The following ATP11A variants were observed in gnomAD, a reference collection of about 807,000 sequenced individuals.
ATP11A encodes the protein ATPase phospholipid transporting 11A.
A neutral mutation model predicts 154.4 loss-of-function variants in ATP11A; 81 were observed. The ratio of observed to expected loss-of-function variants is 0.52; its 90% CI spans 0.44 to 0.63. ATP11A has a LOEUF of 0.63. Ranked by LOEUF, ATP11A falls within the 30% of genes least tolerant of loss-of-function variation. The pLI is 0.00. For missense variants in ATP11A, 1,316 were observed against 1,474.3 expected (o/e 0.89, Z 1.76); for synonymous variants, 623 against 585.9 (o/e 1.06, Z -0.91).
At position 112,690,750 on chromosome 13, in the gene ATP11A, C is replaced by T. The variant is rs1054391469; in HGVS notation, c.39+295C>T. Among the ~76,000 whole-genome samples, 1 of 152,074 alleles carries T rather than the reference C, an allele frequency of 6.6e-6. No homozygotes were observed. The highest frequency in any genetic ancestry group is 1.5e-5 in the Non-Finnish European group (1 of 67,986). On this transcript the variant is annotated intron_variant, in intron 1 of 29. Coordinates refer to ENST00000375645, the MANE Select transcript of ATP11A (RefSeq NM_015205.3). This position sits in a 1 kb window ranked among gnomAD's most constrained non-coding sequence, Gnocchi z 5.6. ...TTCCCGCCCGCAGCGCCCTGGGGGT[C>T]CCTCGGAGAGGCTGGCTGGGGTTCG...
intron 25 of ATP11A, among the ~76,000 whole-genome samples, chr13:112,863,008 C>T (rs1274231286): frequency 6.7e-6 from 1 of 148,970 alleles, no homozygotes; most frequent in East Asian, 2.0e-4. Context: ...TGCAGCTTCC[C>T]AGCGGGGTCC....
At chr13:112,823,508 C>T in intron 9 of ATP11A, 99 bp downstream of exon 9, 1 of 969,164 alleles carries the variant, frequency 1.0e-6, no homozygotes. Flanking sequence ...TTTCTTGGCA[C>T]CTTGAGGTGC....
In ATP11A at chr13:112,819,341, C is replaced by G; in HGVS notation, c.608C>G (p.Thr203Arg). The stretch of plus-strand genomic sequence containing the variant: ...GTCCAGGACACCAAAGGCTTCCACA[C>G]AGAGGAGGATATCGGCGGACTTCAC... ...YAVQDTKGFHTEEDIGGLHAT... is the reference protein window; with the variant it reads ...YAVQDTKGFHREEDIGGLHAT... The change falls in exon 7 of 30, where the codon ACA becomes AGA. Residue 203 changes from threonine to arginine, a missense_variant. Around this residue, in one of 5 missense-constraint regions of ATP11A, gnomAD observed 876 missense variants for 1,006.8 expected, o/e 0.87. Coordinates refer to ENST00000375645, the MANE Select transcript of ATP11A (RefSeq NM_015205.3). 6.2e-7 allele frequency: 1 copy of G among 1,614,214 alleles called. No homozygotes were observed. The highest frequency in any genetic ancestry group is 2.2e-5 in the East Asian group (1 of 44,878).
At chr13:112,742,031 C>CCCCCACAGGGGAGTGCTCCCCCT (rs1037703574) in intron 1 of ATP11A, among the ~76,000 whole-genome samples, 6 of 151,920 alleles carry the variant, frequency 3.9e-5, no homozygotes, top group Admixed American at 2.6e-4. Context: ...TGCTCCCCTT[C>CCCCCACAGGGGAGTGCTCCCCCT]CCCCACAGGG....
chr13:112,741,040 G>T (rs796909552), intron 1 of ATP11A, among the ~76,000 whole-genome samples: 9 of 152,344 alleles, frequency 5.9e-5, no homozygotes, highest in African/African-American at 2.2e-4. Flanking sequence ...ACTTACATGG[G>T]CCTTGTTTGC....
chr13:112,865,740 G>A (rs558578981), intron 25 of ATP11A, among the ~76,000 whole-genome samples: 2 of 152,278 alleles, frequency 1.3e-5, no homozygotes, highest in African/African-American at 4.8e-5. Context: ...TAGTAGAGAC[G>A]GGGTTTTACC....
rs2080919120 is a variant in ATP11A at position 112,883,021 on chromosome 13, A to ACGTCCCCTCATCCCGTCACCT, written c.*1163_*1183dup. On this transcript the variant is annotated 3_prime_UTR_variant, in exon 30 of 30. Transcript: ENST00000375645. ...CCCCACGTCCCCTCGTCCCATCCCC[A>ACGTCCCCTCATCCCGTCACCT]CGTCCCCTCATCCCGTCACCTCGTC... 1.3e-5 allele frequency: 5 copies of ACGTCCCCTCATCCCGTCACCT among 380,314 alleles called. No homozygotes were observed. Among genetic ancestry groups the ACGTCCCCTCATCCCGTCACCT allele is most frequent in the Non-Finnish European group, 2.3e-5 (5 of 221,808 alleles). 23.6% of individuals were successfully genotyped at this position (380,314 alleles called of 1,614,324 possible).
At chr13:112,716,578 T>C (rs7982570) in intron 1 of ATP11A, among the ~76,000 whole-genome samples, 129,157 of 152,210 alleles carry the variant, frequency 0.85, 55,005 homozygotes, top group East Asian at 0.96. Flanking sequence ...CACCTTCCAC[T>C]GTGCCGGTCT....
At chr13:112,764,192 C>T (rs1425484301) in intron 1 of ATP11A, among the ~76,000 whole-genome samples, 4 of 152,170 alleles carry the variant, frequency 2.6e-5, no homozygotes, top group Admixed American at 6.5e-5. Context: ...TGACCCTAGG[C>T]GTCCTGGCAC....
chr13:112,748,943 T>C (rs1423407413), intron 1 of ATP11A, among the ~76,000 whole-genome samples: 1 of 152,246 alleles, frequency 6.6e-6, no homozygotes. Flanking sequence ...TTTGCGGCTA[T>C]GTGCCTCACC....
intron 1 of ATP11A, among the ~76,000 whole-genome samples, chr13:112,695,913 A>G (rs975548017): frequency 1.3e-5 from 2 of 152,258 alleles, no homozygotes; most frequent in African/African-American, 4.8e-5. Flanking sequence ...CAAGTTTTAC[A>G]GAGTAGAAAT....
chr13:112,819,263 A>T, intron 6 of ATP11A, 41 bp from the exon 7 acceptor site: 1 of 1,581,052 alleles, frequency 6.3e-7, no homozygotes, highest in Non-Finnish European at 8.7e-7. Context: ...GTTTGTGTTG[A>T]CCGTTTTGGC....
At chr13:112,862,419 G>A in intron 24 of ATP11A, 21 bp from the exon 25 acceptor site, 1 of 1,612,742 alleles carries the variant, frequency 6.2e-7, no homozygotes, top group Middle Eastern at 1.9e-4. Context: ...GACACACGCT[G>A]TGCACCTTTC....
At chr13:112,848,341 AT>A (rs1309696786) in intron 17 of ATP11A, among the ~76,000 whole-genome samples, 9 of 151,834 alleles carry the variant, frequency 5.9e-5, no homozygotes, top group Admixed American at 2.6e-4. Flanking sequence ...CTGAAGTGGA[AT>A]TTTTTTTTAA....
chr13:112,826,328 C>T (rs1404472649), intron 11 of ATP11A, among the ~76,000 whole-genome samples: 1 of 152,174 alleles, frequency 6.6e-6, no homozygotes, highest in East Asian at 1.9e-4. Context: ...AGGTTGTTAC[C>T]AAGTATGTTT....
chr13:112,862,067 G>A lies in ATP11A; in HGVS notation c.2856-373G>A, dbSNP rs78523224. On this transcript the variant is annotated intron_variant, in intron 24 of 29. Coordinates refer to ENST00000375645, the MANE Select transcript of ATP11A (RefSeq NM_015205.3). ...TGTCACAGCAGGCGTAAGGCATCAC[G>A]TCAGGCGTAAGGCGTCACGTCAGGC... Among the ~76,000 whole-genome samples, 196 of 151,764 alleles carry A rather than the reference G, an allele frequency of 1.3e-3. 3 individuals are homozygous for A. In the East Asian group the frequency reaches 0.033, roughly 25 times the overall value.
intron 13 of ATP11A, 129 bp downstream of exon 13, chr13:112,831,677 G>T (rs2079089732): frequency 4.7e-6 from 5 of 1,059,530 alleles, no homozygotes; most frequent in Admixed American, 2.4e-5. Flanking sequence ...TGGGAGGGAT[G>T]GTCAGAAGGT....
chr13:112,783,064 A>G (rs531840403), intron 1 of ATP11A, among the ~76,000 whole-genome samples: 2 of 152,338 alleles, frequency 1.3e-5, no homozygotes, highest in South Asian at 2.1e-4. Flanking sequence ...TAATAAAAGA[A>G]ATTGCAGGTG....
intron 2 of ATP11A, among the ~76,000 whole-genome samples, chr13:112,800,933 C>T (rs2078116453): frequency 6.6e-6 from 1 of 152,136 alleles, no homozygotes; most frequent in Non-Finnish European, 1.5e-5. Context: ...AAGAATTTGA[C>T]AAAATTCACT....
Sources: allele counts gnomAD v4.1 joint callset (sites outside exome capture counted in the v4.1 genomes callset), GRCh38; gene constraint gnomAD v4.1.1; regional missense constraint gnomAD v4.1.1; non-coding constraint Gnocchi (gnomAD v3.1); transcripts MANE v1.5; gene names NCBI Gene and HGNC (gene_info 2026-07-23, HGNC 2026-07-21).